MKKS: variants seen among roughly 807,000 people sequenced by gnomAD.
The protein encoded by MKKS is MKKS centrosomal shuttling protein, also known as molecular chaperone MKKS.
In MKKS, 29 loss-of-function variants were observed where a neutral mutation model predicts 33.2. The ratio of observed to expected loss-of-function variants is 0.87; its 90% CI spans 0.65 to 1.19. The LOEUF (loss-of-function observed/expected upper bound fraction) is 1.19. Among genes scored for constraint, MKKS ranks in the 50% most tolerant of loss-of-function variants. MKKS has a pLI of 0.00. For missense variants in MKKS, 661 were observed against 662.3 expected (o/e 1.00, Z 0.02); for synonymous variants, 260 against 244.0 (o/e 1.07, Z -0.61).
intron 5 of MKKS, among the ~76,000 whole-genome samples, chr20:10,407,373 T>A (rs2064850493): frequency 6.6e-6 from 1 of 152,192 alleles, no homozygotes; most frequent in Admixed American, 6.5e-5. Flanking sequence ...AATAAGGATA[T>A]TACCTTATAT....
At position 10,403,865 on chromosome 20, in the gene MKKS, C is replaced by T. The variant is rs1356348174; in HGVS notation, c.*1382G>A. ...TATGAGACTTCAGGTGGGGCTGATA[C>T]CTAACATATATGGATGGCATTGCTG... On this transcript the variant is annotated 3_prime_UTR_variant, in exon 6 of 6. Transcript: ENST00000347364. The T allele has an allele frequency of 6.6e-6, 1 of 152,116 alleles. No individual in the cohort carries two copies. The highest frequency in any genetic ancestry group is 1.5e-5 in the Non-Finnish European group (1 of 68,032). 9.4% of individuals were successfully genotyped at this position (152,116 alleles called of 1,614,324 possible).
In MKKS at chr20:10,408,747, T is replaced by G; in HGVS notation, c.1042A>C (p.Lys348Gln). Residue 348 changes from lysine (K) to glutamine (Q), a missense_variant, in exon 4 of 6, where the codon AAA becomes CAA. By Grantham distance (53) the Lys-to-Gln change is moderately conservative. Coordinates refer to ENST00000347364, the MANE Select transcript of MKKS (RefSeq NM_170784.3). ...CCAAATTTTGCAGTGCACACATCTT[T>G]CACACTTCCATAACTATTAGGACAT... Reference protein sequence around the residue: ...SICPNSYGSVKDVCTAKFGSK... With the variant: ...SICPNSYGSVQDVCTAKFGSK... 4 of 1,613,932 alleles carry G rather than the reference T, an allele frequency of 2.5e-6. No individual in the cohort carries two copies. Among genetic ancestry groups the G allele is most frequent in the Non-Finnish European group, 3.4e-6 (4 of 1,179,844 alleles).
intron 1 of MKKS, among the ~76,000 whole-genome samples, chr20:10,423,529 T>C (rs2064995332): frequency 1.3e-5 from 2 of 152,160 alleles, no homozygotes; most frequent in South Asian, 4.1e-4. Context: ...TAAATGACAA[T>C]CTGTAACACT....
At chr20:10,414,259 C>T (rs1369212842) in intron 2 of MKKS, among the ~76,000 whole-genome samples, 1 of 145,070 alleles carries the variant, frequency 6.9e-6, no homozygotes, top group African/African-American at 2.6e-5. Flanking sequence ...AATTAGGTCT[C>T]TGAGTCTTTT....
intron 3 of MKKS, among the ~76,000 whole-genome samples, chr20:10,410,465 A>C (rs1212431938): frequency 1.3e-5 from 2 of 152,116 alleles, no homozygotes; most frequent in Non-Finnish European, 2.9e-5. Context: ...ACCTGTCTCT[A>C]CTAAAAATAC....
intron 1 of MKKS, among the ~76,000 whole-genome samples, chr20:10,428,564 C>T (rs149723925): frequency 0.015 from 2,231 of 152,228 alleles, 34 homozygotes; most frequent in Non-Finnish European, 0.021. Flanking sequence ...TTCAGCTGGG[C>T]GCGGTGGCTC....
chr20:10,428,771 A>C (rs576274894), intron 1 of MKKS, among the ~76,000 whole-genome samples: 2 of 152,204 alleles, frequency 1.3e-5, no homozygotes, highest in Non-Finnish European at 2.9e-5. Context: ...TCCAGGAGGC[A>C]GAGGTTACAT....
intron 3 of MKKS, among the ~76,000 whole-genome samples, chr20:10,409,804 C>G (rs771526319): frequency 1.3e-4 from 19 of 151,774 alleles, no homozygotes; most frequent in Middle Eastern, 6.8e-3. Context: ...AACCCCGTCT[C>G]TACTAAAAAT....
At chr20:10,409,694 C>T (rs1049238347) in intron 3 of MKKS, among the ~76,000 whole-genome samples, 8 of 151,898 alleles carry the variant, frequency 5.3e-5, no homozygotes, top group East Asian at 1.9e-4. Context: ...AAATGTCGGC[C>T]GGGTGTAGTG....
rs1182983465 is a variant in MKKS, at chr20:10,404,115, TTTC to T, written c.*1129_*1131del. ...CTTATTCATGTGGCTGCCTTCTATA[TTTC>T]TTCTTCAATTTATCAATACATCTTA... On this transcript the variant is annotated 3_prime_UTR_variant, in exon 6 of 6. Coordinates refer to ENST00000347364, the MANE Select transcript of MKKS (RefSeq NM_170784.3). 6.6e-6 allele frequency: 1 copy of T among 152,208 alleles called. No homozygotes were observed. The highest frequency in any genetic ancestry group is 1.9e-4 in the East Asian group (1 of 5,202). 9.4% of individuals were successfully genotyped at this position (152,208 alleles called of 1,614,324 possible). A position where few individuals can be genotyped will look rare whatever the true frequency, so the allele number is the denominator to read the frequency against.
intron 1 of MKKS, among the ~76,000 whole-genome samples, chr20:10,422,334 C>T (rs1438706687): frequency 6.6e-6 from 1 of 151,888 alleles, no homozygotes; most frequent in African/African-American, 2.4e-5. Flanking sequence ...CTTTTTGTAA[C>T]CTTTAGAGAA....
intron 1 of MKKS, among the ~76,000 whole-genome samples, chr20:10,421,787 T>C (rs886089005): frequency 6.6e-5 from 10 of 151,422 alleles, no homozygotes; most frequent in African/African-American, 2.2e-4. Flanking sequence ...AATATATATA[T>C]ATATATTTTA....
Position 10,408,672 on chromosome 20 carries a change from A to G in MKKS, c.1117T>C (p.Leu373=). 1.2e-6 allele frequency: 2 copies of G among 1,614,134 alleles called. No homozygotes were observed. Among genetic ancestry groups the G allele is most frequent in the Non-Finnish European group, 8.5e-7 (1 of 1,180,014 alleles). Residue 373 remains leucine, a synonymous_variant, in exon 4 of 6, where the codon TTG becomes CTG. Transcript: ENST00000347364. ...LIPNEATICS[L]LLCNRNDTAW... ...GTGTCATTTCTGTTGCAGAGAAGCA[A>G]GCTGCAGATTGTTGCTTCATTAGGA... is the stretch of plus-strand genomic sequence containing the variant.
chr20:10,410,610 AGAGT>A (rs1284058381), intron 3 of MKKS, among the ~76,000 whole-genome samples: 2 of 152,146 alleles, frequency 1.3e-5, no homozygotes, highest in East Asian at 1.9e-4. Context: ...CCTGGGCGAT[AGAGT>A]GAGACTCCAC....
chr20:10,423,369 CTGAGA>C (rs2064994511), intron 1 of MKKS, among the ~76,000 whole-genome samples: 4 of 152,176 alleles, frequency 2.6e-5, no homozygotes, highest in Admixed American at 2.0e-4. Flanking sequence ...CTGCGGTGAG[CTGAGA>C]TAACACCATT....
intron 1 of MKKS, 60 bp from the exon 2 acceptor site, chr20:10,420,818 T>C (rs2064975321): frequency 6.6e-6 from 1 of 152,220 alleles, no homozygotes; most frequent in Non-Finnish European, 1.5e-5. Context: ...TCCCTTTAAT[T>C]ACATTTCTAA....
chr20:10,428,376 G>A (rs534014955), intron 1 of MKKS, among the ~76,000 whole-genome samples: 146 of 152,288 alleles, frequency 9.6e-4, no homozygotes, highest in African/African-American at 3.5e-3. Context: ...TTCCTGGTAT[G>A]TTCTGAATCC....
chr20:10,408,851 GCAAA>G lies in MKKS; in HGVS notation c.986-52_986-49del, dbSNP rs747921759. The G allele has an allele frequency of 7.9e-5, 112 of 1,421,816 alleles. No homozygotes were observed. In the South Asian group the frequency reaches 1.2e-3, roughly 16 times the overall value. 88.1% of individuals were successfully genotyped at this position (1,421,816 alleles called of 1,614,324 possible). A position where few individuals can be genotyped will look rare whatever the true frequency, so the allele number is the denominator to read the frequency against. The stretch of plus-strand genomic sequence containing the variant: ...TACAAGTTGTATAAGCAAAAGTGGA[GCAAA>G]CAACCATTTAAAAGTATATTTATTC... On this transcript the variant is annotated intron_variant, in intron 3 of 5. Coordinates refer to ENST00000347364, the MANE Select transcript of MKKS (RefSeq NM_170784.3).
intron 2 of MKKS, among the ~76,000 whole-genome samples, chr20:10,419,724 A>T (rs1373264554): frequency 3.9e-5 from 6 of 152,212 alleles, no homozygotes; most frequent in Admixed American, 3.9e-4. Context: ...GAGTGCTGCT[A>T]AGTGACTAAC....
Sources: gnomAD v4.1 joint callset for allele counts (sites outside exome capture counted in the v4.1 genomes callset) on GRCh38, gnomAD v4.1.1 for gene constraint, MANE v1.5 for transcripts, NCBI Gene and HGNC (gene_info 2026-07-23, HGNC 2026-07-21) for gene names.